ERP44: variants seen among roughly 807,000 people sequenced by gnomAD.
ERP44 encodes endoplasmic reticulum protein 44, also known as endoplasmic reticulum resident protein 44.
A neutral mutation model predicts 53.4 loss-of-function variants in ERP44; 25 were observed. That is an observed-to-expected ratio of 0.47 (90% confidence interval 0.34 to 0.65). The LOEUF (loss-of-function observed/expected upper bound fraction) is 0.65, where lower values mean the gene tolerates loss of function less well. ERP44 is among the 30% of genes least tolerant of loss of function. The pLI, the probability that ERP44 is intolerant of heterozygous loss-of-function variation, is 0.01. For synonymous variants in ERP44, 145 were observed against 161.2 expected (o/e 0.90, Z 0.76); for missense variants, 338 against 493.2 (o/e 0.69, Z 2.98).
chr9:100,028,717 C>G (rs1444520185), intron 4 of ERP44, among the ~76,000 whole-genome samples: 2 of 152,142 alleles, frequency 1.3e-5, no homozygotes, highest in East Asian at 1.9e-4. Flanking sequence ...AGCATCAATA[C>G]TTGCAGAATG....
At chr9:100,091,241 G>A (rs1826552900) in intron 1 of ERP44, among the ~76,000 whole-genome samples, 1 of 152,198 alleles carries the variant, frequency 6.6e-6, no homozygotes, top group African/African-American at 2.4e-5. Context: ...AGATGAATGT[G>A]GTGACCACAA....
chr9:100,023,879 G>T (rs777816537), intron 4 of ERP44, among the ~76,000 whole-genome samples: 1 of 152,178 alleles, frequency 6.6e-6, no homozygotes, highest in African/African-American at 2.4e-5. Flanking sequence ...TTTTGGCCAG[G>T]CCCAGGGGCT....
At chr9:100,022,437 G>A (rs1415545001) in intron 4 of ERP44, among the ~76,000 whole-genome samples, 2 of 152,098 alleles carry the variant, frequency 1.3e-5, no homozygotes, top group Admixed American at 1.3e-4. Context: ...CCTAATTTGC[G>A]ACTTACTGGC....
intron 4 of ERP44, among the ~76,000 whole-genome samples, chr9:100,031,148 G>C (rs1825782890): frequency 6.6e-6 from 1 of 151,812 alleles, no homozygotes; most frequent in South Asian, 2.1e-4. Flanking sequence ...GTTCAAGCCA[G>C]CCTGGAAAAC....
At position 99,982,486 on chromosome 9, in the gene ERP44, A is replaced by G. The variant is rs1830158033; in HGVS notation, c.*126T>C. 1 of 438,922 alleles carries G rather than the reference A, an allele frequency of 2.3e-6. No individual in the cohort carries two copies. Among genetic ancestry groups the G allele is most frequent in the Non-Finnish European group, 3.8e-6 (1 of 264,766 alleles). 27.2% of individuals were successfully genotyped at this position (438,922 alleles called of 1,614,324 possible). A position where few individuals can be genotyped will look rare whatever the true frequency, so the allele number is the denominator to read the frequency against. ...TGAGTCGGGGAGAAAAAAATTAAAA[A>G]CCCAAAATTTCTTTCTGTTTATTCA... is the stretch of plus-strand genomic sequence containing the variant. On this transcript the variant is annotated 3_prime_UTR_variant, in exon 12 of 12. Coordinates refer to ENST00000262455, the MANE Select transcript of ERP44 (RefSeq NM_015051.3).
chr9:99,992,485 C>G (rs537610510), intron 10 of ERP44, among the ~76,000 whole-genome samples: 2 of 152,292 alleles, frequency 1.3e-5, no homozygotes, highest in South Asian at 2.1e-4. Context: ...GCTACAAACT[C>G]TCAATAAACT....
At chr9:100,029,581 G>A (rs1328262102) in intron 4 of ERP44, among the ~76,000 whole-genome samples, 2 of 152,148 alleles carry the variant, frequency 1.3e-5, no homozygotes, top group Non-Finnish European at 2.9e-5. Context: ...AGACAGTAAC[G>A]TAGCACAGCC....
intron 8 of ERP44, among the ~76,000 whole-genome samples, chr9:100,009,426 A>C (rs1036512613): frequency 4.6e-5 from 7 of 152,084 alleles, no homozygotes; most frequent in African/African-American, 1.7e-4. Context: ...AATATTTTTT[A>C]TCACTTCAAA....
chr9:100,029,591 C>T (rs1825751888), intron 4 of ERP44, among the ~76,000 whole-genome samples: 1 of 152,172 alleles, frequency 6.6e-6, no homozygotes, highest in African/African-American at 2.4e-5. Flanking sequence ...GTAGCACAGC[C>T]ACTATGGAAG....
chr9:100,057,152 G>A (rs1037762530), intron 3 of ERP44, among the ~76,000 whole-genome samples: 4 of 152,164 alleles, frequency 2.6e-5, no homozygotes, highest in Admixed American at 1.3e-4. Context: ...AAGATACAGA[G>A]TGTCTAGGGA....
intron 2 of ERP44, 88 bp downstream of exon 2, chr9:100,060,012 G>A: frequency 8.9e-7 from 1 of 1,119,844 alleles, no homozygotes; most frequent in Non-Finnish European, 1.2e-6. Flanking sequence ...CTAGCTAACT[G>A]AGATTTTATT....
rs200594567 is a variant in ERP44, at chr9:100,010,901, C to CAA, written c.763-3214_763-3213dup. 3.9e-3 allele frequency among the ~76,000 whole-genome samples: 458 copies of CAA among 117,630 alleles called. 4 individuals are homozygous for CAA. The highest frequency in any genetic ancestry group is 0.038 in the South Asian group (144 of 3,808). The allele number at this position is 117,630 out of a possible 152,430, so 77.2% of individuals were successfully genotyped here. ...GAGCGACAAGAGCGAAACTCCATCT[C>CAA]AAAAAAAAAAAAAAAGAGAAAAGCA... On this transcript the variant is annotated intron_variant, in intron 8 of 11. Coordinates refer to ENST00000262455, the MANE Select transcript of ERP44 (RefSeq NM_015051.3).
intron 10 of ERP44, among the ~76,000 whole-genome samples, chr9:99,997,863 C>T (rs1462118847): frequency 4.0e-5 from 6 of 151,116 alleles, no homozygotes; most frequent in African/African-American, 1.5e-4. Flanking sequence ...GCTCTTTACT[C>T]GACACCACAG....
chr9:100,090,503 C>CT (rs1826540885), intron 1 of ERP44, among the ~76,000 whole-genome samples: 1 of 152,108 alleles, frequency 6.6e-6, no homozygotes, highest in South Asian at 2.1e-4. Context: ...AATCCTAACA[C>CT]TTTGGGAGGC....
intron 1 of ERP44, among the ~76,000 whole-genome samples, chr9:100,066,494 A>G (rs1241134670): frequency 6.6e-6 from 1 of 152,226 alleles, no homozygotes; most frequent in African/African-American, 2.4e-5. Context: ...GTAATAGCTT[A>G]GTGTATTTTT....
At chr9:100,095,487 C>T (rs1826616399) in intron 1 of ERP44, among the ~76,000 whole-genome samples, 1 of 152,054 alleles carries the variant, frequency 6.6e-6, no homozygotes, top group Non-Finnish European at 1.5e-5. Flanking sequence ...AACCCAAACA[C>T]TGACCAGATA....
At chr9:100,055,814 T>C (rs1017666917) in intron 3 of ERP44, among the ~76,000 whole-genome samples, 3 of 152,226 alleles carry the variant, frequency 2.0e-5, no homozygotes, top group Non-Finnish European at 1.5e-5. Flanking sequence ...CCTACTACAG[T>C]ATTACTCAAG....
chr9:100,032,641 A>G (rs1361958642), intron 4 of ERP44, among the ~76,000 whole-genome samples: 3 of 152,346 alleles, frequency 2.0e-5, no homozygotes, highest in East Asian at 3.9e-4. Context: ...ATTGATATGT[A>G]AAATTGTTGT....
chr9:100,035,688 A>G (rs1237321247), intron 4 of ERP44, among the ~76,000 whole-genome samples: 1 of 148,300 alleles, frequency 6.7e-6, no homozygotes, highest in Non-Finnish European at 1.5e-5. Context: ...AAAAATAAGA[A>G]TAAAAATAAA....
Sources: gnomAD v4.1 joint callset for allele counts (sites outside exome capture counted in the v4.1 genomes callset) on GRCh38, gnomAD v4.1.1 for gene constraint, MANE v1.5 for transcripts, NCBI Gene and HGNC (gene_info 2026-07-23, HGNC 2026-07-21) for gene names.